Variants in SI observed in about 807,000 individuals in gnomAD.
The protein encoded by SI is sucrase-isomaltase, intestinal.
In SI, 235 loss-of-function variants were observed where a neutral mutation model predicts 253.3. The ratio of observed to expected loss-of-function variants is 0.93; its 90% CI spans 0.83 to 1.03. The LOEUF is 1.03. Ranked by LOEUF, SI falls within the 50% of genes least tolerant of loss-of-function variation. The pLI is 0.00. For missense variants in SI, 2,442 were observed against 2,211.1 expected (o/e 1.10, Z -2.09); for synonymous variants, 819 against 712.0 (o/e 1.15, Z -2.39).
intron 2 of SI, 30 bp downstream of exon 2, chr3:165,075,865 A>G: frequency 7.8e-7 from 1 of 1,276,432 alleles, no homozygotes; most frequent in South Asian, 1.2e-5. Context: ...CTTCACGATA[A>G]TGTAGCCATG....
At chr3:165,083,989 T>C in the SI span, among the ~76,000 whole-genome samples, 132 of 152,156 alleles carry the variant, frequency 8.7e-4, no homozygotes, top group South Asian at 3.1e-3. Flanking sequence ...ACTTGGATGG[T>C]GCTATGGTCT....
Position 165,032,609 on chromosome 3 carries a change from C to G in SI, c.2649G>C (p.Leu883Phe), listed in dbSNP as rs768218711. The change falls in exon 24 of 48, where the codon TTG becomes TTC. Residue 883 changes from leucine (L) to phenylalanine (F), a missense_variant. Physicochemically the swap from Leu to Phe is conservative, Grantham distance 22. Coordinates refer to ENST00000264382, the MANE Select transcript of SI (RefSeq NM_001041.4). ...LAFQTVKILGLTDSVTEVRVA... is the reference protein window; with the variant it reads ...LAFQTVKILGFTDSVTEVRVA... ...CTCTAACTTCTGTAACACTGTCTGTCAACCCAAGGATTTTTACAGTCTGAA... is the reference window on the plus strand; with the variant it reads ...CTCTAACTTCTGTAACACTGTCTGTGAACCCAAGGATTTTTACAGTCTGAA... 1 of 1,608,878 alleles carries G rather than the reference C, an allele frequency of 6.2e-7. No homozygotes were observed. The highest frequency in any genetic ancestry group is 1.3e-5 in the African/African-American group (1 of 74,588).
At chr3:165,013,346 T>C (rs1718860161) in intron 33 of SI, among the ~76,000 whole-genome samples, 1 of 151,900 alleles carries the variant, frequency 6.6e-6, no homozygotes, top group Non-Finnish European at 1.5e-5. Context: ...ATATGAAAAA[T>C]ATAAGTTAAA....
intron 37 of SI, 66 bp from the exon 38 acceptor site, chr3:164,998,739 C>A: frequency 1.5e-6 from 2 of 1,326,012 alleles, no homozygotes; most frequent in Admixed American, 3.4e-5. Flanking sequence ...TATCTACTTA[C>A]GACTACTTTG....
intron 45 of SI, among the ~76,000 whole-genome samples, chr3:164,984,190 G>C (rs546030240): frequency 6.8e-4 from 104 of 152,128 alleles, no homozygotes; most frequent in African/African-American, 2.4e-3. Flanking sequence ...ACATAAGATA[G>C]AGCAAAGTAG....
At chr3:165,073,202 C>G (rs200496266) in intron 3 of SI, among the ~76,000 whole-genome samples, 105 of 77,354 alleles carry the variant, frequency 1.4e-3, no homozygotes, top group East Asian at 5.8e-3. Context: ...CTCTCTCTCT[C>G]TCTCTCTCTC....
At position 164,987,449 on chromosome 3, in the gene SI, G is replaced by A. The variant is rs190812307; in HGVS notation, c.5109-223C>T. ...ATTTAGGCCGGGTGCGGTGGCTCAC[G>A]CCTGTAATCCCAGCACTTTGGGAGG... is the stretch of plus-strand genomic sequence containing the variant. On this transcript the variant is annotated intron_variant, in intron 44 of 47. Coordinates refer to ENST00000264382, the MANE Select transcript of SI (RefSeq NM_001041.4). Among the ~76,000 whole-genome samples the A allele has an allele frequency of 5.3e-5, 8 of 152,202 alleles. No homozygotes were observed. In the East Asian group the frequency reaches 7.7e-4, roughly 15 times the overall value.
intron 13 of SI, among the ~76,000 whole-genome samples, chr3:165,050,391 C>G (rs1713365283): frequency 1.3e-5 from 2 of 152,220 alleles, no homozygotes; most frequent in Admixed American, 1.3e-4. Context: ...TTCACAGAAT[C>G]TCTGAAACAT....
At chr3:165,043,006 T>C in intron 17 of SI, 53 bp downstream of exon 17, 2 of 1,068,620 alleles carry the variant, frequency 1.9e-6, no homozygotes, top group Non-Finnish European at 2.9e-6. Context: ...AGTACATTAA[T>C]AAAAACTATG....
At chr3:165,055,127 G>T in intron 13 of SI, 67 bp downstream of exon 13, 1 of 920,858 alleles carries the variant, frequency 1.1e-6, no homozygotes. Context: ...TGTTGACTTA[G>T]TAATTTTTAC....
chr3:165,037,987 A>AT lies in SI; in HGVS notation c.2338dup (p.Met780AsnfsTer13). On this transcript the variant is annotated frameshift_variant, in exon 21 of 48. Transcript: ENST00000264382. LOFTEE classifies it high-confidence loss of function. ...TCCTATTTTGTCTGCTGGAAGATAC[A>AT]TATCAACCCGTTGTTTCCTCCATGG... 3.1e-6 allele frequency: 5 copies of AT among 1,608,662 alleles called. No homozygotes were observed. The highest frequency in any genetic ancestry group is 1.7e-6 in the Non-Finnish European group (2 of 1,175,670).
At chr3:165,019,834 TA>T in intron 27 of SI, 64 bp from the exon 28 acceptor site, 1 of 1,344,508 alleles carries the variant, frequency 7.4e-7, no homozygotes, top group Admixed American at 1.7e-5. Context: ...TCACAAATAA[TA>T]ACGGTAATTC....
chr3:165,070,842 G>A (rs1415522503), intron 3 of SI, among the ~76,000 whole-genome samples: 2 of 152,088 alleles, frequency 1.3e-5, no homozygotes, highest in Non-Finnish European at 2.9e-5. Flanking sequence ...TCACCGTACT[G>A]GAGGTTGTAA....
the SI span, among the ~76,000 whole-genome samples, chr3:165,089,662 G>A: frequency 6.6e-6 from 1 of 152,094 alleles, no homozygotes; most frequent in African/African-American, 2.4e-5. Context: ...ACCAGAATCA[G>A]CACCGCTTAG....
intron 19 of SI, 54 bp downstream of exon 19, chr3:165,039,833 C>T (rs911314685): frequency 5.1e-6 from 6 of 1,187,666 alleles, no homozygotes; most frequent in Non-Finnish European, 7.6e-6. Flanking sequence ...AATGTAGGGT[C>T]GATTTAGTTA....
Position 165,032,583 on chromosome 3 carries a change from A to G in SI, c.2675T>C (p.Val892Ala), listed in dbSNP as rs758186369. ...GLTDSVTEVR[V>A]AENNQPMNAH... Reference sequence around the variant, plus strand: ...GTTCATTGGTTGATTATTTTCCGCCACTCTAACTTCTGTAACACTGTCTGT... The same window carrying G: ...GTTCATTGGTTGATTATTTTCCGCCGCTCTAACTTCTGTAACACTGTCTGT... The change falls in exon 24 of 48, where the codon GTG (valine) becomes GCG (alanine). Residue 892 changes from valine to alanine, a missense_variant. Coordinates refer to ENST00000264382, the MANE Select transcript of SI (RefSeq NM_001041.4). The G allele has an allele frequency of 4.3e-6, 7 of 1,609,470 alleles. No individual in the cohort carries two copies. The Admixed American group carries it at 8.4e-5, about 19-fold the overall frequency.
At chr3:165,019,894 T>C (rs527734907) in intron 27 of SI, 124 bp from the exon 28 acceptor site, 4 of 846,888 alleles carry the variant, frequency 4.7e-6, no homozygotes, top group Admixed American at 2.1e-5. Context: ...TTCCTAATTA[T>C]ACCCAGGTAC....
intron 47 of SI, among the ~76,000 whole-genome samples, chr3:164,981,515 T>A (rs1431945416): frequency 6.6e-6 from 1 of 152,204 alleles, no homozygotes; most frequent in East Asian, 1.9e-4. Flanking sequence ...TTTATCCAAG[T>A]TTAAACGATT....
In SI at chr3:164,992,347, C is replaced by A; in HGVS notation, c.4892G>T (p.Gly1631Val). 1 of 1,613,228 alleles carries A rather than the reference C, an allele frequency of 6.2e-7. No homozygotes were observed. The highest frequency in any genetic ancestry group is 8.5e-7 in the Non-Finnish European group (1 of 1,179,462). The stretch of plus-strand genomic sequence containing the variant: ...TACTGGGGTAACCATAAATGCTGGA[C>A]CCCATAAGAACTGCTTGAATATATC... The part of the protein sequence containing the change: ...TWDIFKQFLW[G>V]PAFMVTPVLE... The change falls in exon 42 of 48, where the codon GGT (glycine) becomes GTT (valine). Residue 1631 changes from glycine (G) to valine (V), a missense_variant. Transcript: ENST00000264382.
Sources: gnomAD v4.1 joint callset for allele counts (sites outside exome capture counted in the v4.1 genomes callset) on GRCh38, gnomAD v4.1.1 for gene constraint, MANE v1.5 for transcripts, NCBI Gene and HGNC (gene_info 2026-07-23, HGNC 2026-07-21) for gene names.